The following DZANK1 variants were observed in gnomAD, a reference collection of about 807,000 sequenced individuals.
DZANK1 encodes double zinc ribbon and ankyrin repeat-containing protein 1.
In DZANK1, 91 loss-of-function variants were observed where a neutral mutation model predicts 94.5. The observed-to-expected ratio is 0.96, with a 90% confidence interval of 0.81 to 1.15. DZANK1 has a LOEUF of 1.15. Among genes scored for constraint, DZANK1 ranks in the 50% most tolerant of loss-of-function variants. The pLI, the probability that DZANK1 is intolerant of heterozygous loss-of-function variation, is 0.00. For missense variants in DZANK1, 903 were observed against 916.4 expected, an observed-to-expected ratio of 0.99 and a Z score of 0.19; for synonymous variants, 312 against 325.3, an observed-to-expected ratio of 0.96 and a Z score of 0.44.
At chr20:18,411,699 T>A (rs2057264550) in intron 13 of DZANK1, among the ~76,000 whole-genome samples, 1 of 152,122 alleles carries the variant, frequency 6.6e-6, no homozygotes, top group Non-Finnish European at 1.5e-5. Context: ...GACACAAAAG[T>A]CTTCAAGAAA....
chr20:18,414,447 T>G, exon 12 of DZANK1: 1 of 1,613,828 alleles, frequency 6.2e-7, no homozygotes, highest in Non-Finnish European at 8.5e-7. Flanking sequence ...AGCCACAGAA[T>G]CGGGCAGACA....
intron 13 of DZANK1, among the ~76,000 whole-genome samples, chr20:18,403,840 C>T (rs1161509425): frequency 1.5e-5 from 2 of 135,844 alleles, no homozygotes; most frequent in African/African-American, 5.6e-5. Context: ...CACTCTGTTG[C>T]CCAGGTAGGA....
chr20:18,400,217 C>T lies in DZANK1; in HGVS notation c.1433-1591G>A, dbSNP rs73902456. ...ACAGGTGGTTTCTTTGGAAGGTGACCGTGGGACATGCAAATGATGGCGTAT... is the reference window on the plus strand; with the variant it reads ...ACAGGTGGTTTCTTTGGAAGGTGACTGTGGGACATGCAAATGATGGCGTAT... On this transcript the variant is annotated intron_variant, in intron 13 of 20. Transcript: ENST00000262547. Among the ~76,000 whole-genome samples the T allele has an allele frequency of 8.2e-3, 1,248 of 152,072 alleles. 14 individuals carry two copies. Among genetic ancestry groups the T allele is most frequent in the African/African-American group, 0.026 (1,084 of 41,482 alleles).
intron 10 of DZANK1, among the ~76,000 whole-genome samples, chr20:18,426,048 T>C (rs955223836): frequency 6.6e-6 from 1 of 152,050 alleles, no homozygotes; most frequent in Admixed American, 6.6e-5. Context: ...ACCCATTTGA[T>C]ACCGGTAGAC....
chr20:18,452,841 T>C, intron 5 of DZANK1, 102 bp from the exon 6 acceptor site: 1 of 1,186,408 alleles, frequency 8.4e-7, no homozygotes, highest in African/African-American at 1.6e-5. Context: ...AGAACCACTG[T>C]CACCACATTG....
rs1223136220 is a variant in DZANK1, at chr20:18,412,640, C to T, written c.1432+6G>A. 1 of 1,612,220 alleles carries T rather than the reference C, an allele frequency of 6.2e-7. No individual in the cohort carries two copies. The highest frequency in any genetic ancestry group is 8.5e-7 in the Non-Finnish European group (1 of 1,179,584). On this transcript the variant is annotated splice_donor_region_variant and intron_variant, in intron 13 of 20. Coordinates refer to ENST00000262547, the Ensembl canonical transcript of DZANK1. ...CGACCAGAAGAAAGGGCATCCTCCC[C>T]CTTACCTCTTCCTGGGCTGATGGCT...
intron 14 of DZANK1, 127 bp downstream of exon 14, chr20:18,398,396 A>G: frequency 3.8e-6 from 3 of 781,008 alleles, no homozygotes; most frequent in South Asian, 1.6e-5. Context: ...AAGAGTAAGA[A>G]AGTGTAGAAA....
At chr20:18,421,748 C>T (rs1377595232) in intron 10 of DZANK1, among the ~76,000 whole-genome samples, 1 of 152,120 alleles carries the variant, frequency 6.6e-6, no homozygotes, top group Non-Finnish European at 1.5e-5. Flanking sequence ...TTGAAAAAAT[C>T]TCTCCCTGGG....
At chr20:18,427,288 G>C (rs1336666693) in intron 9 of DZANK1, 129 bp from the exon 10 acceptor site, 1 of 589,938 alleles carries the variant, frequency 1.7e-6, no homozygotes, top group Non-Finnish European at 2.9e-6. Context: ...CTGAATACTG[G>C]ATTGGTTTAG....
intron 10 of DZANK1, among the ~76,000 whole-genome samples, chr20:18,418,237 T>C (rs999967080): frequency 6.6e-6 from 1 of 152,100 alleles, no homozygotes; most frequent in Non-Finnish European, 1.5e-5. Flanking sequence ...GTAGTCTACA[T>C]AGCGCATGTG....
intron 13 of DZANK1, among the ~76,000 whole-genome samples, 163 bp from the exon 14 acceptor site, chr20:18,398,789 T>A (rs1007802225): frequency 6.6e-6 from 1 of 152,190 alleles, no homozygotes; most frequent in Non-Finnish European, 1.5e-5. Context: ...ACAAGTTCCA[T>A]TTTCCTCCAT....
intron 14 of DZANK1, among the ~76,000 whole-genome samples, chr20:18,397,044 T>C (rs1483544646): frequency 6.6e-6 from 1 of 152,220 alleles, no homozygotes; most frequent in African/African-American, 2.4e-5. Context: ...GTAAATATTT[T>C]AGGTCTTGTG....
intron 8 of DZANK1, among the ~76,000 whole-genome samples, chr20:18,442,832 A>G (rs2058752695): frequency 7.7e-6 from 1 of 129,588 alleles, no homozygotes; most frequent in African/African-American, 2.7e-5. Context: ...ATTTTTAGCA[A>G]GCCAAGTATG....
chr20:18,430,669 G>C (rs1600976730), intron 9 of DZANK1, among the ~76,000 whole-genome samples: 1 of 152,070 alleles, frequency 6.6e-6, no homozygotes, highest in East Asian at 1.9e-4. Context: ...AGAAAAATTA[G>C]CCTGGCGTGG....
intron 10 of DZANK1, among the ~76,000 whole-genome samples, chr20:18,417,192 C>T (rs1295412425): frequency 6.6e-6 from 1 of 152,126 alleles, no homozygotes; most frequent in Non-Finnish European, 1.5e-5. Flanking sequence ...TCTGATATAC[C>T]ATTCAGATAG....
At position 18,443,346 on chromosome 20, in the gene DZANK1, C is replaced by T. The variant is rs757360335; in HGVS notation, c.747+1G>A. The T allele has an allele frequency of 2.0e-5, 31 of 1,532,614 alleles. No individual in the cohort carries two copies. The South Asian group carries it at 3.7e-4, about 18-fold the overall frequency. 94.9% of individuals were successfully genotyped at this position (1,532,614 alleles called of 1,614,324 possible). ...ATGTTTTTAAGAATTCTGCTGCTCA[C>T]CTGAGCTCCTTCTGGGGGTGGGAGA... On this transcript the variant is annotated splice_donor_variant, in intron 8 of 20. Coordinates refer to ENST00000262547, the Ensembl canonical transcript of DZANK1. LOFTEE classifies it high-confidence loss of function.
At chr20:18,444,965 T>TA (rs1310007511) in intron 7 of DZANK1, among the ~76,000 whole-genome samples, 1 of 151,766 alleles carries the variant, frequency 6.6e-6, no homozygotes, top group Admixed American at 6.6e-5. Context: ...CAAGCCCGGC[T>TA]AATTTTTTTT....
At chr20:18,412,612 TC>T (rs755699288) in intron 13 of DZANK1, 33 bp downstream of exon 13, 55 of 1,597,490 alleles carry the variant, frequency 3.4e-5, no homozygotes, top group Non-Finnish European at 4.6e-5. Context: ...GTGAATTCCC[TC>T]CCGACCAGAA....
intron 8 of DZANK1, chr20:18,433,968 A>G (rs767258638): frequency 2.2e-5 from 12 of 539,768 alleles, no homozygotes; most frequent in Non-Finnish European, 3.6e-5. Context: ...CAATTTTTTA[A>G]ATAATTACCT....
Sources: gnomAD v4.1 joint callset for allele counts (sites outside exome capture counted in the v4.1 genomes callset) on GRCh38, gnomAD v4.1.1 for gene constraint, MANE v1.5 for transcripts, NCBI Gene and HGNC (gene_info 2026-07-23, HGNC 2026-07-21) for gene names.